Variants in PSTPIP1 observed in about 807,000 individuals in gnomAD.
The protein encoded by PSTPIP1 is proline-serine-threonine phosphatase interacting protein 1, also known as proline-serine-threonine phosphatase-interacting protein 1.
Under a neutral mutation model 69.6 loss-of-function variants are expected in PSTPIP1, and 66 were observed. That is an observed-to-expected ratio of 0.95 (90% CI 0.78 to 1.16). The LOEUF (loss-of-function observed/expected upper bound fraction) is 1.16, where lower values mean the gene tolerates loss of function less well. Ranked by LOEUF, PSTPIP1 falls within the 50% of genes most tolerant of loss-of-function variation. PSTPIP1 has a pLI of 0.00. For missense variants in PSTPIP1, 603 were observed against 557.4 expected (o/e 1.08, Z -0.82); for synonymous variants, 266 against 222.7 (o/e 1.19, Z -1.73).
chr15:77,031,631 C>G (rs954596598), intron 10 of PSTPIP1: 5 of 236,846 alleles, frequency 2.1e-5, no homozygotes, highest in Admixed American at 1.5e-4. Context: ...CTGCTCTGCT[C>G]TAGGCCTGGT....
At chr15:77,036,829 G>A (rs888751244) in intron 14 of PSTPIP1, among the ~76,000 whole-genome samples, 6 of 152,142 alleles carry the variant, frequency 3.9e-5, no homozygotes, top group Non-Finnish European at 8.8e-5. Flanking sequence ...AGGCTGGGAA[G>A]AAACCCAGGT....
rs1341309119 is a variant in PSTPIP1 at position 77,027,240 on chromosome 15, G to T, written c.355-612G>T. ...ACCTCATAACCCAGTCGCTGTCCTG[G>T]CTGTTTTGCCTTCTCTATCAGAACA... is the stretch of plus-strand genomic sequence containing the variant. On this transcript the variant is annotated intron_variant, in intron 5 of 14. Coordinates refer to ENST00000558012, the MANE Select transcript of PSTPIP1 (RefSeq NM_003978.5). The surrounding 1 kb of genome is among the most constrained non-coding windows in gnomAD (Gnocchi z 4.3). Among the ~76,000 whole-genome samples the T allele has an allele frequency of 6.6e-6, 1 of 152,190 alleles. No individual in the cohort carries two copies. The highest frequency in any genetic ancestry group is 1.5e-5 in the Non-Finnish European group (1 of 68,028).
chr15:77,031,192 C>T lies in PSTPIP1; in HGVS notation c.655C>T (p.Gln219Ter), dbSNP rs751668240. The T allele has an allele frequency of 2.4e-5, 38 of 1,612,620 alleles. No individual in the cohort carries two copies. The highest frequency in any genetic ancestry group is 1.8e-4 in the Admixed American group (11 of 59,992). Reference protein sequence around the residue: ...HRTTCEAFQLQEFDRLTILRN... With the variant: ...HRTTCEAFQL ...CCACTGCCCCCAGGCCTTTCAGCTG[C>T]AAGAGTTTGACCGGCTGACCATTCT... The change falls in exon 10 of 15, where the codon CAA becomes TAA. Residue 219 changes from glutamine (Q) to a stop codon, truncating the protein, a stop_gained. Transcript: ENST00000558012. LOFTEE classifies it high-confidence loss of function.
At chr15:77,010,089 G>T (rs1459056355) in intron 1 of PSTPIP1, among the ~76,000 whole-genome samples, 1 of 152,134 alleles carries the variant, frequency 6.6e-6, no homozygotes, top group African/African-American at 2.4e-5. Context: ...ATCCTCCCCT[G>T]CATCAGTCAC....
chr15:77,026,283 G>T (rs1405179605), intron 5 of PSTPIP1: 1 of 443,714 alleles, frequency 2.3e-6, no homozygotes, highest in Admixed American at 2.4e-5. Context: ...GGCTGGGCTT[G>T]GGCCTGTGAG....
At chr15:77,000,906 G>A (rs1288514808) in intron 1 of PSTPIP1, among the ~76,000 whole-genome samples, 18 of 151,904 alleles carry the variant, frequency 1.2e-4, no homozygotes, top group Admixed American at 9.2e-4. Flanking sequence ...CACATAAAAT[G>A]TACCATCTTA....
intron 12 of PSTPIP1, 146 bp from the exon 13 acceptor site, chr15:77,035,362 T>G: frequency 1.1e-5 from 9 of 833,864 alleles, no homozygotes; most frequent in Non-Finnish European, 1.1e-5. Context: ...ACCTCATAAA[T>G]GACATCCATG....
chr15:77,032,387 GC>G lies in PSTPIP1; in HGVS notation c.837del (p.Ala280LeufsTer16). 1.2e-6 allele frequency: 2 copies of G among 1,612,660 alleles called. No individual in the cohort carries two copies. Among genetic ancestry groups the G allele is most frequent in the Non-Finnish European group, 1.7e-6 (2 of 1,179,778 alleles). ...FIQAKSTGTE[P>X]PAPVPYQNYY... is the part of the protein sequence containing the mutation. The stretch of plus-strand genomic sequence containing the variant: ...TCCAGGCCAAGAGCACGGGCACAGA[GC>G]CCCCCGGTGAGGTCCGGCTTGCGGA... On this transcript the variant is annotated frameshift_variant, in exon 11 of 15. Transcript: ENST00000558012. LOFTEE classifies it high-confidence loss of function.
At chr15:77,010,937 C>T (rs1253116747) in intron 1 of PSTPIP1, among the ~76,000 whole-genome samples, 2 of 152,154 alleles carry the variant, frequency 1.3e-5, no homozygotes, top group Admixed American at 6.5e-5. Context: ...TGAGCCACCA[C>T]GTCCAGCCCT....
intron 12 of PSTPIP1, among the ~76,000 whole-genome samples, chr15:77,035,035 C>T (rs908375412): frequency 2.0e-5 from 3 of 152,202 alleles, no homozygotes; most frequent in Admixed American, 6.5e-5. Context: ...CAGCAGGGCA[C>T]GTGAGCCAGG....
intron 8 of PSTPIP1, 65 bp from the exon 9 acceptor site, chr15:77,030,437 C>G (rs1278930832): frequency 7.9e-6 from 12 of 1,526,270 alleles, no homozygotes; most frequent in South Asian, 1.2e-5. Flanking sequence ...AGGATGGGAC[C>G]TGCTGGAGTA....
Position 77,035,815 on chromosome 15 carries a change from CCT to C in PSTPIP1, c.1000_1001del (p.Leu334AspfsTer8). 6.2e-7 allele frequency: 1 copy of C among 1,608,616 alleles called. No individual in the cohort carries two copies. The highest frequency in any genetic ancestry group is 8.5e-7 in the Non-Finnish European group (1 of 1,179,552). On this transcript the variant is annotated frameshift_variant, in exon 14 of 15. Coordinates refer to ENST00000558012, the MANE Select transcript of PSTPIP1 (RefSeq NM_003978.5). LOFTEE classifies it high-confidence loss of function. ...LAASAASTET[L>X]TPTPERNEGV... Reference sequence around the variant, plus strand: ...CCCTGCTCTTAGCGTCCACAGAGACCCTGACCCCCACCCCCGAGCGGAATGAG... The same window carrying C: ...CCCTGCTCTTAGCGTCCACAGAGACCGACCCCCACCCCCGAGCGGAATGAG...
At chr15:77,035,380 G>A (rs548824408) in intron 12 of PSTPIP1, 128 bp from the exon 13 acceptor site, 4 of 985,492 alleles carry the variant, frequency 4.1e-6, no homozygotes, top group South Asian at 2.9e-5. Context: ...ATGCCTGGAG[G>A]CTAGGGGCAG....
chr15:76,994,774 G>C, upstream of PSTPIP1: 1 of 1,289,136 alleles, frequency 7.8e-7, no homozygotes. Flanking sequence ...TTGGGTCCCA[G>C]AGCAGCCAGG....
intron 1 of PSTPIP1, among the ~76,000 whole-genome samples, chr15:77,009,137 G>A (rs62027306): frequency 0.13 from 20,398 of 152,198 alleles, 1,666 homozygotes; most frequent in South Asian, 0.22. Context: ...GCCAAGCAAG[G>A]ATAAGGAGCC....
At chr15:76,996,800 G>C (rs2152660078) in intron 1 of PSTPIP1, among the ~76,000 whole-genome samples, 1 of 152,370 alleles carries the variant, frequency 6.6e-6, no homozygotes, top group South Asian at 2.1e-4. Flanking sequence ...TGGAGGCAGA[G>C]CTGCCTCAGC....
chr15:77,031,400 G>A (rs2076413494), intron 10 of PSTPIP1, 122 bp downstream of exon 10: 5 of 1,080,476 alleles, frequency 4.6e-6, no homozygotes, highest in South Asian at 1.3e-5. Flanking sequence ...TGGCCCCAGG[G>A]GTCTCAGGCC....
chr15:77,021,661 A>G (rs1207370612), intron 3 of PSTPIP1, among the ~76,000 whole-genome samples: 1 of 152,212 alleles, frequency 6.6e-6, no homozygotes, highest in African/African-American at 2.4e-5. Flanking sequence ...CCTGGGCTGC[A>G]GAGCGAGACT....
In PSTPIP1 at chr15:76,995,538, C is replaced by T. The variant is rs763304812; in HGVS notation, c.-36C>T. 6.8e-6 allele frequency: 11 copies of T among 1,613,740 alleles called. No individual in the cohort carries two copies. Among genetic ancestry groups the T allele is most frequent in the Non-Finnish European group, 9.3e-6 (11 of 1,179,854 alleles). On this transcript the variant is annotated 5_prime_UTR_variant, in exon 1 of 15. Transcript: ENST00000558012. The stretch of plus-strand genomic sequence containing the variant: ...GGCCCTCCATCAGGCCAGCCTGTGG[C>T]AGGAGAGTGAGCTTTGCCGCGGCAG...
Sources: gnomAD v4.1 joint callset for allele counts (sites outside exome capture counted in the v4.1 genomes callset) on GRCh38, gnomAD v4.1.1 for gene constraint, Gnocchi (gnomAD v3.1) non-coding constraint, MANE v1.5 for transcripts, NCBI Gene and HGNC (gene_info 2026-07-23, HGNC 2026-07-21) for gene names.